Variants in PSD3 observed in about 807,000 individuals in gnomAD.
PSD3 encodes pleckstrin and Sec7 domain containing 3, also known as PH and SEC7 domain-containing protein 3.
Under a neutral mutation model 105.5 loss-of-function variants are expected in PSD3, and 49 were observed. The observed-to-expected ratio is 0.46, with a 90% CI of 0.37 to 0.59. The LOEUF (loss-of-function observed/expected upper bound fraction) is 0.59. PSD3 is among the 20% of genes least tolerant of loss of function. The pLI, the probability that PSD3 is intolerant of heterozygous loss-of-function variation, is 0.00. For missense variants in PSD3, 1,561 were observed against 1,263.8 expected (o/e 1.24, Z -3.57); for synonymous variants, 557 against 457.8 (o/e 1.22, Z -2.77).
At chr8:18,740,042 C>T (rs1804437867) in intron 9 of PSD3, among the ~76,000 whole-genome samples, 1 of 152,166 alleles carries the variant, frequency 6.6e-6, no homozygotes, top group African/African-American at 2.4e-5. Flanking sequence ...CTCACAGGGA[C>T]AAAACTGCAA....
At chr8:19,015,248 T>G (rs1827141567), upstream of PSD3, among the ~76,000 whole-genome samples, 1 of 152,192 alleles carries the variant, frequency 6.6e-6, no homozygotes. Context: ...GCCATCCGCT[T>G]AAGATGTGAC....
intron 1 of PSD3, among the ~76,000 whole-genome samples, chr8:18,942,959 T>C (rs964275551): frequency 6.6e-6 from 1 of 152,172 alleles, no homozygotes; most frequent in East Asian, 1.9e-4. Context: ...GGTATATCCT[T>C]GCACCAGCCC....
chr8:18,951,950 C>T (rs942419259), intron 1 of PSD3, among the ~76,000 whole-genome samples: 6 of 152,036 alleles, frequency 3.9e-5, no homozygotes, highest in African/African-American at 1.4e-4. Context: ...GCCTGGGCAA[C>T]AAGAGCAAAA....
chr8:18,890,123 CT>C (rs968075697), intron 2 of PSD3, among the ~76,000 whole-genome samples: 3 of 151,948 alleles, frequency 2.0e-5, no homozygotes, highest in African/African-American at 4.8e-5. Context: ...TTATTGTTAC[CT>C]TTTTTTAAAG....
chr8:18,563,704 G>C (rs979630745), intron 14 of PSD3, among the ~76,000 whole-genome samples: 1 of 152,054 alleles, frequency 6.6e-6, no homozygotes, highest in Non-Finnish European at 1.5e-5. Flanking sequence ...TACAGACCTC[G>C]AAGAAATGAA....
At chr8:19,042,638 C>T (rs868709369) in intron 1 of PSD3, among the ~76,000 whole-genome samples, 1 of 152,136 alleles carries the variant, frequency 6.6e-6, no homozygotes, top group Middle Eastern at 3.2e-3. Flanking sequence ...CACAAAAATG[C>T]TTTTGTCTTG....
chr8:18,686,523 T>C (rs1162346009), intron 9 of PSD3, among the ~76,000 whole-genome samples: 4 of 152,150 alleles, frequency 2.6e-5, no homozygotes, highest in Non-Finnish European at 4.4e-5. Flanking sequence ...GTGGACAGAG[T>C]GAAGAGAACT....
At chr8:19,071,910 A>G (rs949827818) in intron 1 of PSD3, among the ~76,000 whole-genome samples, 9 of 151,830 alleles carry the variant, frequency 5.9e-5, no homozygotes, top group South Asian at 2.1e-4. Flanking sequence ...GGATTTCACT[A>G]TGTTGGTCAG....
chr8:18,637,566 C>A (rs1315916764), intron 10 of PSD3, among the ~76,000 whole-genome samples: 1 of 152,142 alleles, frequency 6.6e-6, no homozygotes, highest in Non-Finnish European at 1.5e-5. Flanking sequence ...TTGCATTTGG[C>A]AAAATGCATT....
intron 6 of PSD3, among the ~76,000 whole-genome samples, chr8:18,804,094 G>C (rs1344769109): frequency 6.6e-6 from 1 of 152,114 alleles, no homozygotes; most frequent in African/African-American, 2.4e-5. Context: ...TTCGTTAAAT[G>C]AATACGTTTT....
At chr8:19,079,126 A>T (rs1193553631) in intron 1 of PSD3, among the ~76,000 whole-genome samples, 1 of 152,036 alleles carries the variant, frequency 6.6e-6, no homozygotes, top group Non-Finnish European at 1.5e-5. Context: ...AATGTTGAGG[A>T]TGGGGTAAGG....
chr8:18,886,389 G>A (rs1329613048), intron 2 of PSD3, among the ~76,000 whole-genome samples: 4 of 152,116 alleles, frequency 2.6e-5, no homozygotes, highest in Admixed American at 2.0e-4. Flanking sequence ...AATGGTTGGC[G>A]CGGGCATCCC....
chr8:18,679,746 A>C (rs1800276496), intron 9 of PSD3, among the ~76,000 whole-genome samples: 2 of 152,200 alleles, frequency 1.3e-5, no homozygotes. Flanking sequence ...CTGAGAAACC[A>C]ACAGGCCAAT....
chr8:19,015,145 C>T (rs1055963763), upstream of PSD3, among the ~76,000 whole-genome samples: 2 of 152,046 alleles, frequency 1.3e-5, no homozygotes, highest in Non-Finnish European at 2.9e-5. Flanking sequence ...CGGGTCTTTC[C>T]TGGGCTGTTC....
intron 14 of PSD3, among the ~76,000 whole-genome samples, chr8:18,559,849 C>T (rs933447074): frequency 6.6e-6 from 1 of 152,090 alleles, no homozygotes; most frequent in Non-Finnish European, 1.5e-5. Flanking sequence ...AGGGCTTGCT[C>T]GGGTTTGTTC....
rs535176539 is a variant in PSD3, at chr8:18,970,978, C to CA, written c.22-34837dup. On this transcript the variant is annotated intron_variant, in intron 1 of 15. Transcript: ENST00000327040. ...TAAGTAAAAGAGCGAGACTCTGTCTCAAGAAAAAAAAAAAAAGACAAAAAA... is the reference window on the plus strand; with the variant it reads ...TAAGTAAAAGAGCGAGACTCTGTCTCAAAGAAAAAAAAAAAAAGACAAAAAA... Among the ~76,000 whole-genome samples the CA allele has an allele frequency of 4.0e-3, 463 of 115,584 alleles. 5 individuals carry two copies. Among genetic ancestry groups the CA allele is most frequent in the Admixed American group, 7.6e-3 (77 of 10,152 alleles). The allele number at this position is 115,584 out of a possible 152,430, so 75.8% of individuals were successfully genotyped here. A position where few individuals can be genotyped will look rare whatever the true frequency, so the allele number is the denominator to read the frequency against.
rs184638888 is a variant in PSD3, at chr8:18,812,495, G to A, written c.1635-7597C>T. ...GAGAAGCAGGGTGACCAGTCAGGGG[G>A]TAATGCATGTGCCAGGGAGGAGCTG... On this transcript the variant is annotated intron_variant, in intron 4 of 15. Coordinates refer to ENST00000327040, the MANE Select transcript of PSD3 (RefSeq NM_015310.4). Among the ~76,000 whole-genome samples, 260 of 152,286 alleles carry A rather than the reference G, an allele frequency of 1.7e-3. 1 individual carries two copies. Among genetic ancestry groups the A allele is most frequent in the African/African-American group, 5.8e-3 (240 of 41,546 alleles).
At chr8:18,596,958 CA>C (rs1369217155) in intron 12 of PSD3, among the ~76,000 whole-genome samples, 6 of 152,094 alleles carry the variant, frequency 3.9e-5, no homozygotes, top group African/African-American at 1.4e-4. Flanking sequence ...GGAACACTTC[CA>C]AACTCATTTT....
chr8:18,737,035 A>C (rs1025426606), intron 9 of PSD3, among the ~76,000 whole-genome samples: 1 of 152,226 alleles, frequency 6.6e-6, no homozygotes, highest in African/African-American at 2.4e-5. Flanking sequence ...AAGGACTTCA[A>C]AGTCATCTGC....
Sources: allele counts gnomAD v4.1 joint callset (sites outside exome capture counted in the v4.1 genomes callset), GRCh38; gene constraint gnomAD v4.1.1; transcripts MANE v1.5; gene names NCBI Gene and HGNC (gene_info 2026-07-23, HGNC 2026-07-21).